The following CHRM3 variants were observed in gnomAD, a reference collection of about 807,000 sequenced individuals.
CHRM3 encodes cholinergic receptor muscarinic 3.
In CHRM3, 11 loss-of-function variants were observed where a neutral mutation model predicts 41.8. The observed-to-expected ratio is 0.26, with a 90% CI of 0.17 to 0.44. CHRM3 has a LOEUF of 0.44. Ranked by LOEUF, CHRM3 falls within the 20% of genes least tolerant of loss-of-function variation. The pLI, the probability that CHRM3 is intolerant of heterozygous loss-of-function variation, is 1.00. For synonymous variants in CHRM3, 297 were observed against 301.4 expected, an observed-to-expected ratio of 0.99 and a Z score of 0.15; for missense variants, 571 against 745.4, an observed-to-expected ratio of 0.77 and a Z score of 2.72.
chr1:239,560,296 C>T lies in CHRM3; in HGVS notation c.-313+14547C>T, dbSNP rs188889628. Among the ~76,000 whole-genome samples the T allele has an allele frequency of 1.3e-3, 204 of 152,090 alleles. 1 individual carries two copies. In the Middle Eastern group the frequency reaches 0.014, roughly 10 times the overall value. On this transcript the variant is annotated intron_variant, in intron 3 of 6. Transcript: ENST00000676153. ...TTCAGCTGTTTTATTGCAACTCATA[C>T]GCTGATGTTTTTTAATGATATTTCT...
intron 3 of CHRM3, among the ~76,000 whole-genome samples, chr1:239,595,014 G>C (rs192042842): frequency 6.6e-6 from 1 of 152,290 alleles, no homozygotes; most frequent in African/African-American, 2.4e-5. Flanking sequence ...GCTTGAACCC[G>C]GCAGGTGGAG....
intron 5 of CHRM3, among the ~76,000 whole-genome samples, chr1:239,792,282 G>C (rs753367423): frequency 6.6e-6 from 1 of 152,136 alleles, no homozygotes; most frequent in Non-Finnish European, 1.5e-5. Context: ...AGACACCAGG[G>C]AGCAGTGATG....
intron 1 of CHRM3, among the ~76,000 whole-genome samples, chr1:239,419,213 A>G (rs900799144): frequency 2.0e-5 from 3 of 152,042 alleles, no homozygotes; most frequent in Admixed American, 6.6e-5. Flanking sequence ...AGAAACATCT[A>G]TTCCTTTTTT....
intron 5 of CHRM3, among the ~76,000 whole-genome samples, chr1:239,736,278 G>A (rs1318297168): frequency 6.6e-6 from 1 of 151,942 alleles, no homozygotes; most frequent in Non-Finnish European, 1.5e-5. Flanking sequence ...AATAGAACCA[G>A]GATTTGAATT....
intron 6 of CHRM3, among the ~76,000 whole-genome samples, chr1:239,880,711 G>T (rs1677515724): frequency 6.6e-6 from 1 of 151,998 alleles, no homozygotes; most frequent in Non-Finnish European, 1.5e-5. Flanking sequence ...GCTCAGGCTG[G>T]TCTCAAACTC....
intron 1 of CHRM3, among the ~76,000 whole-genome samples, chr1:239,456,546 G>C (rs919596335): frequency 1.3e-5 from 2 of 152,150 alleles, no homozygotes; most frequent in Admixed American, 6.5e-5. Context: ...CGTAATGACA[G>C]AATCATCTAA....
chr1:239,505,833 G>A (rs957714658), intron 2 of CHRM3, among the ~76,000 whole-genome samples: 3 of 152,178 alleles, frequency 2.0e-5, no homozygotes, highest in African/African-American at 7.2e-5. Context: ...CCAAAATGCT[G>A]ATAGCAGTAT....
chr1:239,842,715 C>G (rs1261448316), intron 6 of CHRM3, among the ~76,000 whole-genome samples: 3 of 152,178 alleles, frequency 2.0e-5, no homozygotes, highest in Non-Finnish European at 2.9e-5. Flanking sequence ...TCATCTAGGT[C>G]ACCCCAACAT....
intron 6 of CHRM3, among the ~76,000 whole-genome samples, chr1:239,891,584 G>T (rs565139241): frequency 2.0e-5 from 3 of 152,104 alleles, no homozygotes; most frequent in African/African-American, 7.2e-5. Context: ...AATAAGCTAT[G>T]GGAAGCATCA....
chr1:239,915,072 A>T lies in CHRM3; in HGVS notation c.*5848A>T, dbSNP rs1458055419. The T allele has an allele frequency of 6.0e-6, 1 of 167,130 alleles. No homozygotes were observed. The highest frequency in any genetic ancestry group is 1.5e-5 in the Non-Finnish European group (1 of 68,116). 10.4% of individuals were successfully genotyped at this position (167,130 alleles called of 1,614,324 possible). ...TGGGCTTCCACGATGGTGAATCAGC[A>T]TGCTGATTTCTCTTGGCAGGAAGCT... On this transcript the variant is annotated 3_prime_UTR_variant, in exon 7 of 7. Coordinates refer to ENST00000676153, the MANE Select transcript of CHRM3 (RefSeq NM_001375978.1).
intron 3 of CHRM3, among the ~76,000 whole-genome samples, chr1:239,611,593 T>TG (rs1392382092): frequency 2.7e-4 from 41 of 151,906 alleles, no homozygotes; most frequent in Admixed American, 2.0e-3. Context: ...GCTAACTTTT[T>TG]TATTTTTAGT....
chr1:239,547,825 A>T (rs1344445921), intron 3 of CHRM3, among the ~76,000 whole-genome samples: 5 of 152,214 alleles, frequency 3.3e-5, no homozygotes, highest in African/African-American at 1.2e-4. Flanking sequence ...AAAAATGATT[A>T]ACAAATACTT....
chr1:239,664,947 A>G (rs925247187), intron 4 of CHRM3, among the ~76,000 whole-genome samples: 1 of 151,706 alleles, frequency 6.6e-6, no homozygotes, highest in Non-Finnish European at 1.5e-5. Flanking sequence ...AGAACCTGTC[A>G]CCTGCTGTTC....
chr1:239,663,564 C>T (rs1036162254), intron 4 of CHRM3, among the ~76,000 whole-genome samples: 1 of 152,034 alleles, frequency 6.6e-6, no homozygotes, highest in Non-Finnish European at 1.5e-5. Context: ...TATTTTTAGG[C>T]CTGTTTGTAT....
intron 5 of CHRM3, among the ~76,000 whole-genome samples, chr1:239,784,510 T>C (rs1668745202): frequency 6.6e-6 from 1 of 152,180 alleles, no homozygotes; most frequent in South Asian, 2.1e-4. Flanking sequence ...GTGATATAAG[T>C]ACCTTAGAAT....
At chr1:239,710,352 T>C (rs1661646537) in intron 5 of CHRM3, among the ~76,000 whole-genome samples, 1 of 152,168 alleles carries the variant, frequency 6.6e-6, no homozygotes, top group Non-Finnish European at 1.5e-5. Context: ...AATTGCAAAA[T>C]TCTCTGATCT....
intron 2 of CHRM3, among the ~76,000 whole-genome samples, chr1:239,518,164 T>C (rs1252027198): frequency 3.9e-5 from 6 of 152,190 alleles, no homozygotes; most frequent in Non-Finnish European, 8.8e-5. Context: ...TTTAATTTAA[T>C]TGCTTTTTAA....
intron 4 of CHRM3, among the ~76,000 whole-genome samples, chr1:239,668,109 T>C (rs1674004204): frequency 7.2e-6 from 1 of 139,100 alleles, no homozygotes; most frequent in Non-Finnish European, 1.6e-5. Flanking sequence ...TTTTTTTTTT[T>C]TTTTTTTGAG....
intron 5 of CHRM3, among the ~76,000 whole-genome samples, chr1:239,759,197 AG>A (rs1666520744): frequency 4.0e-5 from 1 of 25,254 alleles, no homozygotes; most frequent in African/African-American, 1.6e-4. Flanking sequence ...TTTTTTTTTT[AG>A]AGAGAGGCTT....
Sources: gnomAD v4.1 joint callset for allele counts (sites outside exome capture counted in the v4.1 genomes callset) on GRCh38, gnomAD v4.1.1 for gene constraint, MANE v1.5 for transcripts, NCBI Gene and HGNC (gene_info 2026-07-23, HGNC 2026-07-21) for gene names.